The following B9D2 variants were observed in gnomAD, a reference collection of about 807,000 sequenced individuals.
B9D2 encodes B9 domain-containing protein 2.
B9D2 carries 21 observed loss-of-function variants against 19.2 expected under a neutral mutation model. The ratio of observed to expected loss-of-function variants is 1.09; its 90% CI spans 0.78 to 1.58. B9D2 has a LOEUF of 1.58. Among genes scored for constraint, B9D2 ranks in the 40% most tolerant of loss-of-function variants. B9D2 has a pLI of 0.00. For missense variants in B9D2, 221 were observed against 244.3 expected (o/e 0.90, Z 0.64); for synonymous variants, 91 against 100.6 (o/e 0.90, Z 0.57).
chr19:41,362,371 CAAAAA>C (rs777325237), intron 2 of B9D2, among the ~76,000 whole-genome samples: 1 of 58,368 alleles, frequency 1.7e-5, no homozygotes, highest in East Asian at 6.3e-4. Flanking sequence ...GAACGAGTCT[CAAAAA>C]AAAAAAAAAA....
At chr19:41,362,371 CAAAA>C (rs777325237) in intron 2 of B9D2, among the ~76,000 whole-genome samples, 3 of 58,382 alleles carry the variant, frequency 5.1e-5, no homozygotes, top group Admixed American at 2.2e-4. Flanking sequence ...GAACGAGTCT[CAAAA>C]AAAAAAAAAA....
chr19:41,361,149 C>T (rs1269633645), intron 2 of B9D2: 1 of 152,194 alleles, frequency 6.6e-6, no homozygotes, highest in African/African-American at 2.4e-5. Flanking sequence ...AGAGCCCAAG[C>T]CTTTCATCCA....
rs763541426 is a variant in B9D2 at position 41,355,006 on chromosome 19, G to A, written c.222C>T (p.Pro74=). The change falls in exon 4 of 4, where the codon CCC becomes CCT. Residue 74 remains proline (P), a synonymous_variant. Transcript: ENST00000243578. ...HFATKGLQGW[P]RLHFQVWSQD... ...GGGACCACACCTGGAAATGGAGCCG[G>A]GGCCAGCCTGCAGGAAAGGAGAGAG... The A allele has an allele frequency of 3.1e-6, 5 of 1,593,898 alleles. No homozygotes were observed. In the Admixed American group the frequency reaches 5.2e-5, roughly 16 times the overall value.
chr19:41,358,917 G>C (rs930151768), intron 2 of B9D2, among the ~76,000 whole-genome samples: 15 of 151,990 alleles, frequency 9.9e-5, no homozygotes, highest in Non-Finnish European at 1.8e-4. Context: ...CTTAGGGGGG[G>C]GTGGATCATC....
At chr19:41,356,068 G>A (rs1275371498) in intron 3 of B9D2, among the ~76,000 whole-genome samples, 8 of 152,108 alleles carry the variant, frequency 5.3e-5, no homozygotes, top group South Asian at 2.1e-4. Flanking sequence ...GTGGGGAGAC[G>A]GGAAGGAGGT....
chr19:41,359,958 C>T (rs1289844387), intron 2 of B9D2, among the ~76,000 whole-genome samples: 3 of 152,114 alleles, frequency 2.0e-5, no homozygotes, highest in Admixed American at 6.6e-5. Flanking sequence ...TGACTCCCCA[C>T]CTCAGGGCCT....
intron 2 of B9D2, among the ~76,000 whole-genome samples, chr19:41,362,071 T>A (rs1599910248): frequency 2.7e-5 from 2 of 72,738 alleles, no homozygotes; most frequent in African/African-American, 6.2e-5. Context: ...AGAGTGAGAC[T>A]CTGTCTCAAA....
At chr19:41,358,070 A>G (rs769152584) in intron 2 of B9D2, 48 bp from the exon 3 acceptor site, 9 of 1,612,186 alleles carry the variant, frequency 5.6e-6, no homozygotes, top group Non-Finnish European at 7.6e-6. Context: ...GCCATCGGGA[A>G]GGGGATGCCG....
At chr19:41,356,773 C>T (rs1360141299) in intron 3 of B9D2, among the ~76,000 whole-genome samples, 1 of 151,922 alleles carries the variant, frequency 6.6e-6, no homozygotes, top group African/African-American at 2.4e-5. Flanking sequence ...ATTGCTTGAA[C>T]CTGGGAGGCA....
chr19:41,354,478 T>C lies in B9D2; in HGVS notation c.*222A>G. 1 of 643,812 alleles carries C rather than the reference T, an allele frequency of 1.6e-6. No homozygotes were observed. The highest frequency in any genetic ancestry group is 1.8e-5 in the South Asian group (1 of 54,614). The allele number at this position is 643,812 out of a possible 1,614,324, so 39.9% of individuals were successfully genotyped here. A position where few individuals can be genotyped will look rare whatever the true frequency, so the allele number is the denominator to read the frequency against. Reference sequence around the variant, plus strand: ...ATGTGGCTAAGCAGCCTCCTGTCACTCAACACCCTGCGACCCCATACATTT... The same window carrying C: ...ATGTGGCTAAGCAGCCTCCTGTCACCCAACACCCTGCGACCCCATACATTT... On this transcript the variant is annotated 3_prime_UTR_variant, in exon 4 of 4. Transcript: ENST00000243578.
chr19:41,362,472 G>A (rs184514744), intron 2 of B9D2, among the ~76,000 whole-genome samples: 38 of 150,722 alleles, frequency 2.5e-4, no homozygotes, highest in African/African-American at 5.6e-4. Flanking sequence ...TCTGTGCCAC[G>A]CAACAACATA....
intron 2 of B9D2, among the ~76,000 whole-genome samples, chr19:41,360,182 G>C (rs929065234): frequency 1.3e-5 from 2 of 151,646 alleles, no homozygotes; most frequent in South Asian, 2.1e-4. Context: ...TCTTTTTTTG[G>C]GGGGGTGGGG....
At chr19:41,361,586 G>A (rs374129938) in intron 2 of B9D2, among the ~76,000 whole-genome samples, 719 of 132,718 alleles carry the variant, frequency 5.4e-3, no homozygotes, top group Middle Eastern at 0.053. Context: ...CCAGGAGTTC[G>A]AGACCAGCCT....
In B9D2 at chr19:41,354,446, A is replaced by C; in HGVS notation, c.*254T>G. 1 of 610,182 alleles carries C rather than the reference A, an allele frequency of 1.6e-6. No individual in the cohort carries two copies. Among genetic ancestry groups the C allele is most frequent in the Non-Finnish European group, 2.9e-6 (1 of 341,428 alleles). The allele number at this position is 610,182 out of a possible 1,614,324, so 37.8% of individuals were successfully genotyped here. ...TAAGAATTGCTCTCCTTTACTGAGC[A>C]CCTCCCATGTGGCTAAGCAGCCTCC... On this transcript the variant is annotated 3_prime_UTR_variant, in exon 4 of 4. Coordinates refer to ENST00000243578, the MANE Select transcript of B9D2 (RefSeq NM_030578.4).
chr19:41,357,604 G>A (rs1000405912), intron 3 of B9D2, among the ~76,000 whole-genome samples: 4 of 152,084 alleles, frequency 2.6e-5, no homozygotes, highest in African/African-American at 9.7e-5. Context: ...CTTTATTGGA[G>A]ACTCTCGTTT....
intron 2 of B9D2, chr19:41,363,202 C>T (rs559479224): frequency 1.4e-4 from 82 of 578,860 alleles, no homozygotes; most frequent in African/African-American, 1.4e-3. Flanking sequence ...GCTATGATCA[C>T]ACCACCTTAC....
At chr19:41,358,564 G>A (rs2038353077) in intron 2 of B9D2, among the ~76,000 whole-genome samples, 1 of 152,066 alleles carries the variant, frequency 6.6e-6, no homozygotes, top group Non-Finnish European at 1.5e-5. Context: ...CACGGGATAA[G>A]TCTTCAATAT....
At chr19:41,358,064 T>G (rs772675261) in intron 2 of B9D2, 42 bp from the exon 3 acceptor site, 11 of 1,613,024 alleles carry the variant, frequency 6.8e-6, no homozygotes, top group Non-Finnish European at 9.3e-6. Context: ...GAGGCAGCCA[T>G]CGGGAAGGGG....
intron 2 of B9D2, among the ~76,000 whole-genome samples, chr19:41,360,211 T>A (rs2038382130): frequency 6.6e-6 from 1 of 152,148 alleles, no homozygotes; most frequent in Non-Finnish European, 1.5e-5. Context: ...GATCTCCCTC[T>A]GTCACCCAGG....
Sources: allele counts gnomAD v4.1 joint callset (sites outside exome capture counted in the v4.1 genomes callset), GRCh38; gene constraint gnomAD v4.1.1; transcripts MANE v1.5; gene names NCBI Gene and HGNC (gene_info 2026-07-23, HGNC 2026-07-21).